Variants in RAP1A observed in about 807,000 individuals in gnomAD.
RAP1A encodes the protein RAP1A, member of RAS oncogene family, also known as ras-related protein Rap-1A.
A neutral mutation model predicts 26.4 loss-of-function variants in RAP1A; 6 were observed. The ratio of observed to expected loss-of-function variants is 0.23; its 90% CI spans 0.12 to 0.45. The LOEUF (loss-of-function observed/expected upper bound fraction) is 0.45, where lower values mean the gene tolerates loss of function less well. RAP1A is among the 20% of genes least tolerant of loss of function. The probability of loss-of-function intolerance (pLI) is 0.99; values close to 1 mark genes in which losing one functional copy is unlikely to be tolerated. For synonymous variants in RAP1A, 73 were observed against 79.4 expected (o/e 0.92, Z 0.43); for missense variants, 121 against 217.2 (o/e 0.56, Z 2.78).
intron 1 of RAP1A, among the ~76,000 whole-genome samples, chr1:111,685,988 G>T (rs1024182396): frequency 2.0e-5 from 3 of 152,154 alleles, no homozygotes; most frequent in African/African-American, 7.2e-5. Flanking sequence ...CATGGATGAA[G>T]TTGGAAACCA....
Position 111,697,502 on chromosome 1 carries a change from G to A in RAP1A, c.183+5G>A. 6.2e-7 allele frequency: 1 copy of A among 1,611,124 alleles called. No homozygotes were observed. Among genetic ancestry groups the A allele is most frequent in the Non-Finnish European group, 8.5e-7 (1 of 1,178,702 alleles). ...ATCCTGGATACTGCAGGGACAGTAA[G>A]GATGTTTTCTCTTTTTTTGATAGAT... On this transcript the variant is annotated splice_donor_5th_base_variant and intron_variant, in intron 4 of 7. Coordinates refer to ENST00000369709, the MANE Select transcript of RAP1A (RefSeq NM_002884.4).
chr1:111,585,899 A>G lies in RAP1A; in HGVS notation c.-28+43390A>G, dbSNP rs115626298. ...ACCCTAACTATAGCCCTGTGACCTC[A>G]GGATTAATCACACCAGCCTCTCATG... On this transcript the variant is annotated intron_variant, in intron 1 of 7. Transcript: ENST00000356415. Among the ~76,000 whole-genome samples, 458 of 152,344 alleles carry G rather than the reference A, an allele frequency of 3.0e-3. 5 individuals are homozygous for G. Among genetic ancestry groups the G allele is most frequent in the African/African-American group, 0.011 (445 of 41,566 alleles).
chr1:111,648,261 C>G (rs1238871777), intron 1 of RAP1A: 4 of 829,224 alleles, frequency 4.8e-6, no homozygotes, highest in Non-Finnish European at 7.3e-6. Context: ...TTCCTGCTCC[C>G]CAAAGGGTAC....
At chr1:111,593,939 A>T (rs1217196999) in intron 1 of RAP1A, among the ~76,000 whole-genome samples, 2 of 152,184 alleles carry the variant, frequency 1.3e-5, no homozygotes, top group Non-Finnish European at 2.9e-5. Context: ...GATCACAAGG[A>T]TAACAGGATT....
intron 1 of RAP1A, among the ~76,000 whole-genome samples, chr1:111,689,170 A>G (rs538361303): frequency 1.3e-5 from 2 of 151,964 alleles, no homozygotes; most frequent in Admixed American, 6.6e-5. Context: ...CGAAAATGTC[A>G]TTATTTCTTC....
chr1:111,544,541 T>C (rs1216780982), intron 1 of RAP1A, among the ~76,000 whole-genome samples: 1 of 152,168 alleles, frequency 6.6e-6, no homozygotes, highest in African/African-American at 2.4e-5. Context: ...TATCAGTATA[T>C]CAGTCATTTT....
At chr1:111,658,599 C>T (rs1170126152) in intron 1 of RAP1A, among the ~76,000 whole-genome samples, 1 of 152,168 alleles carries the variant, frequency 6.6e-6, no homozygotes, top group Non-Finnish European at 1.5e-5. Flanking sequence ...CCTAGGCCTA[C>T]ACTGGTTCAG....
At chr1:111,636,607 C>G (rs1352735537) in intron 1 of RAP1A, among the ~76,000 whole-genome samples, 1 of 151,734 alleles carries the variant, frequency 6.6e-6, no homozygotes, top group Non-Finnish European at 1.5e-5. Flanking sequence ...CCTCAGCCTT[C>G]TGAGTAGCTG....
At chr1:111,678,536 C>T (rs1282394181) in intron 1 of RAP1A, among the ~76,000 whole-genome samples, 1 of 152,124 alleles carries the variant, frequency 6.6e-6, no homozygotes, top group Non-Finnish European at 1.5e-5. Context: ...TATAGCATAC[C>T]ACATACCTAG....
chr1:111,668,043 C>A (rs1183567544), intron 1 of RAP1A, among the ~76,000 whole-genome samples: 1 of 152,216 alleles, frequency 6.6e-6, no homozygotes, highest in Admixed American at 6.5e-5. Context: ...TGGACTGTCA[C>A]AAATGTTGGC....
At position 111,642,817 on chromosome 1, in the gene RAP1A, G is replaced by A. The variant is rs567872410; in HGVS notation, c.-28+22883G>A. 3.6e-3 allele frequency among the ~76,000 whole-genome samples: 443 copies of A among 124,346 alleles called. 3 individuals carry two copies. The highest frequency in any genetic ancestry group is 0.012 in the African/African-American group (394 of 31,996). The allele number at this position is 124,346 out of a possible 152,430, so 81.6% of individuals were successfully genotyped here. ...TTTTTTTTTTTTGAGGCAAAGTCTCGCTGTGTCGCCCAGGCTGGAGTGTAG... is the reference window on the plus strand; with the variant it reads ...TTTTTTTTTTTTGAGGCAAAGTCTCACTGTGTCGCCCAGGCTGGAGTGTAG... On this transcript the variant is annotated intron_variant, in intron 1 of 7. Coordinates refer to ENST00000369709, the MANE Select transcript of RAP1A (RefSeq NM_002884.4).
chr1:111,581,953 G>C (rs2101061203), intron 1 of RAP1A, among the ~76,000 whole-genome samples: 1 of 152,308 alleles, frequency 6.6e-6, no homozygotes, highest in African/African-American at 2.4e-5. Flanking sequence ...CCATTAACTA[G>C]GGAGGAAACA....
At chr1:111,692,851 A>T (rs1306157862) in intron 2 of RAP1A, among the ~76,000 whole-genome samples, 2 of 152,242 alleles carry the variant, frequency 1.3e-5, no homozygotes, top group Non-Finnish European at 1.5e-5. Flanking sequence ...GCTATGAATA[A>T]CATCAGTTAC....
chr1:111,664,692 C>T (rs1660749781), intron 1 of RAP1A, among the ~76,000 whole-genome samples: 1 of 152,150 alleles, frequency 6.6e-6, no homozygotes. Flanking sequence ...TATGCATATA[C>T]AAGTTTTATG....
Position 111,713,736 on chromosome 1 carries a change from C to T in RAP1A, c.*1335C>T, listed in dbSNP as rs181575221. On this transcript the variant is annotated 3_prime_UTR_variant, in exon 8 of 8. Transcript: ENST00000369709. ...TATAGTGGTGCTTTTTCTTTTCCTT[C>T]CCAGTTATTTTCCTCTTTACAAAAG... is the stretch of plus-strand genomic sequence containing the variant. 2.6e-5 allele frequency: 4 copies of T among 152,208 alleles called. No homozygotes were observed. The highest frequency in any genetic ancestry group is 4.2e-4 in the South Asian group (2 of 4,818). The allele number at this position is 152,208 out of a possible 1,614,324, so 9.4% of individuals were successfully genotyped here. A position where few individuals can be genotyped will look rare whatever the true frequency, so the allele number is the denominator to read the frequency against.
At chr1:111,559,452 A>G (rs564268773) in intron 1 of RAP1A, among the ~76,000 whole-genome samples, 4 of 152,310 alleles carry the variant, frequency 2.6e-5, no homozygotes, top group South Asian at 4.1e-4. Flanking sequence ...TCAGCATAAT[A>G]CTGGTCATCA....
chr1:111,600,435 C>G (rs1658649291), intron 1 of RAP1A, among the ~76,000 whole-genome samples: 1 of 152,252 alleles, frequency 6.6e-6, no homozygotes, highest in Non-Finnish European at 1.5e-5. Context: ...TAGAGGCTAG[C>G]AAGCCTCCTC....
chr1:111,612,907 TTCTC>T (rs1273668284), intron 1 of RAP1A, among the ~76,000 whole-genome samples: 2 of 152,170 alleles, frequency 1.3e-5, no homozygotes. Context: ...TGTCCATGCA[TTCTC>T]TCTCTTAGTT....
chr1:111,709,788 T>C (rs1404859226), intron 7 of RAP1A, among the ~76,000 whole-genome samples: 1 of 152,236 alleles, frequency 6.6e-6, no homozygotes, highest in Non-Finnish European at 1.5e-5. Context: ...TGTGTCTGGC[T>C]TCTTGCACTC....
Sources: allele counts gnomAD v4.1 joint callset (sites outside exome capture counted in the v4.1 genomes callset), GRCh38; gene constraint gnomAD v4.1.1; transcripts MANE v1.5; gene names NCBI Gene and HGNC (gene_info 2026-07-23, HGNC 2026-07-21).